GREM2: variants seen among roughly 807,000 people sequenced by gnomAD.
GREM2 encodes gremlin 2, DAN family BMP antagonist.
In GREM2, 11 loss-of-function variants were observed where a neutral mutation model predicts 14.2. The observed-to-expected ratio is 0.78, with a 90% CI of 0.49 to 1.28. The LOEUF is 1.28. Ranked by LOEUF, GREM2 falls within the 50% of genes most tolerant of loss-of-function variation. The pLI is 0.00. For missense variants in GREM2, 210 were observed against 218.5 expected (o/e 0.96, Z 0.24); for synonymous variants, 98 against 97.6 (o/e 1.00, Z -0.02).
At chr1:240,606,471 C>T (rs1275904959) in intron 1 of GREM2, among the ~76,000 whole-genome samples, 1 of 151,988 alleles carries the variant, frequency 6.6e-6, no homozygotes, top group East Asian at 1.9e-4. Flanking sequence ...GTTATAATAC[C>T]CAACAAACAC....
chr1:240,596,779 A>G (rs1679826549), intron 1 of GREM2, among the ~76,000 whole-genome samples: 1 of 152,090 alleles, frequency 6.6e-6, no homozygotes, highest in Non-Finnish European at 1.5e-5. Flanking sequence ...ATTCCAGGTA[A>G]GTCTTTGACA....
At chr1:240,594,870 G>A (rs1271389073) in intron 1 of GREM2, among the ~76,000 whole-genome samples, 1 of 152,050 alleles carries the variant, frequency 6.6e-6, no homozygotes, top group African/African-American at 2.4e-5. Flanking sequence ...CTGCTGCTCA[G>A]AGGCTACCAA....
intron 1 of GREM2, among the ~76,000 whole-genome samples, chr1:240,521,136 A>G (rs1210244949): frequency 1.3e-5 from 2 of 152,106 alleles, no homozygotes; most frequent in Non-Finnish European, 2.9e-5. Context: ...TCCATTCCCT[A>G]TGCTGTCAGT....
At chr1:240,505,234 A>G (rs548364785) in intron 1 of GREM2, among the ~76,000 whole-genome samples, 1 of 152,270 alleles carries the variant, frequency 6.6e-6, no homozygotes, top group Admixed American at 6.5e-5. Flanking sequence ...GACCAACATC[A>G]TGCGTCCTGT....
chr1:240,512,390 ACT>A (rs916632095), intron 1 of GREM2, among the ~76,000 whole-genome samples: 1 of 117,218 alleles, frequency 8.5e-6, no homozygotes, highest in African/African-American at 3.8e-5. Context: ...TGTCTGGATA[ACT>A]CAGCACCGGG....
intron 1 of GREM2, among the ~76,000 whole-genome samples, chr1:240,597,894 T>C (rs1467391845): frequency 1.3e-5 from 2 of 152,214 alleles, no homozygotes; most frequent in Non-Finnish European, 2.9e-5. Flanking sequence ...CTGAGGGGTT[T>C]ACACAGATGG....
intron 1 of GREM2, among the ~76,000 whole-genome samples, chr1:240,595,245 T>A (rs2102866864): frequency 6.6e-6 from 1 of 152,240 alleles, no homozygotes; most frequent in Non-Finnish European, 1.5e-5. Flanking sequence ...GGCAGGAGAA[T>A]CACTTGAACC....
At chr1:240,594,809 C>T (rs930743722) in intron 1 of GREM2, among the ~76,000 whole-genome samples, 5 of 151,980 alleles carry the variant, frequency 3.3e-5, no homozygotes, top group African/African-American at 1.2e-4. Flanking sequence ...CATCCTTGTA[C>T]GAGCATCATA....
chr1:240,529,131 T>G (rs1286942755), intron 1 of GREM2, among the ~76,000 whole-genome samples: 1 of 151,944 alleles, frequency 6.6e-6, no homozygotes, highest in Non-Finnish European at 1.5e-5. Flanking sequence ...GATTTCCTGG[T>G]GAGGCTGGGA....
At chr1:240,608,528 C>CTTTA (rs1228548204) in intron 1 of GREM2, among the ~76,000 whole-genome samples, 6 of 152,270 alleles carry the variant, frequency 3.9e-5, no homozygotes, top group African/African-American at 1.4e-4. Context: ...TCCTCTCAGC[C>CTTTA]TTTACAGTCA....
At chr1:240,609,658 C>T (rs201483022) in intron 1 of GREM2, among the ~76,000 whole-genome samples, 1 of 152,096 alleles carries the variant, frequency 6.6e-6, no homozygotes, top group Admixed American at 6.5e-5. Flanking sequence ...CAACCTGGCA[C>T]GTTGCACAGG....
At chr1:240,560,013 T>G (rs1316338150) in intron 1 of GREM2, among the ~76,000 whole-genome samples, 1 of 152,174 alleles carries the variant, frequency 6.6e-6, no homozygotes, top group Non-Finnish European at 1.5e-5. Flanking sequence ...TCTGAGTCCC[T>G]GGAGCACGCC....
At chr1:240,505,417 A>G (rs1322571098) in intron 1 of GREM2, among the ~76,000 whole-genome samples, 1 of 152,210 alleles carries the variant, frequency 6.6e-6, no homozygotes, top group Non-Finnish European at 1.5e-5. Context: ...TTTCTAGGAA[A>G]AAGTAGTATT....
At chr1:240,597,851 A>T (rs1190307319) in intron 1 of GREM2, among the ~76,000 whole-genome samples, 1 of 152,160 alleles carries the variant, frequency 6.6e-6, no homozygotes, top group Non-Finnish European at 1.5e-5. Flanking sequence ...GCACCCCCGA[A>T]ACATTTTCTA....
intron 1 of GREM2, among the ~76,000 whole-genome samples, chr1:240,505,321 G>A (rs9428480): frequency 0.04 from 6,010 of 151,876 alleles, 422 homozygotes; most frequent in African/African-American, 0.14. Context: ...CTTTATAGCC[G>A]ACTAATACAG....
At chr1:240,605,380 G>A (rs1005512089) in intron 1 of GREM2, among the ~76,000 whole-genome samples, 6 of 152,140 alleles carry the variant, frequency 3.9e-5, no homozygotes, top group Non-Finnish European at 8.8e-5. Context: ...CGGAGGCTGA[G>A]GTGGGGGGAT....
chr1:240,549,891 T>A (rs1283930305), intron 1 of GREM2: 2 of 152,392 alleles, frequency 1.3e-5, no homozygotes, highest in Non-Finnish European at 2.9e-5. Context: ...GGGCATAGAC[T>A]GTTCAGCCGG....
intron 1 of GREM2, among the ~76,000 whole-genome samples, chr1:240,531,840 C>T (rs974127836): frequency 6.6e-6 from 1 of 151,722 alleles, no homozygotes; most frequent in Non-Finnish European, 1.5e-5. Flanking sequence ...TCCTGAGTAG[C>T]TGGGATTACA....
chr1:240,529,222 T>C (rs1267039068), intron 1 of GREM2, among the ~76,000 whole-genome samples: 2 of 150,736 alleles, frequency 1.3e-5, no homozygotes, highest in East Asian at 1.9e-4. Flanking sequence ...ATTGACTCAT[T>C]TGAACCAGTG....
Sources: allele counts gnomAD v4.1 joint callset (sites outside exome capture counted in the v4.1 genomes callset), GRCh38; gene constraint gnomAD v4.1.1; transcripts MANE v1.5; gene names NCBI Gene and HGNC (gene_info 2026-07-23, HGNC 2026-07-21).